The following LDHD variants were observed in gnomAD, a reference collection of about 807,000 sequenced individuals.
LDHD encodes D-lactate dehydrogenase, mitochondrial.
Under a neutral mutation model 52.9 loss-of-function variants are expected in LDHD, and 58 were observed. The observed-to-expected ratio is 1.10, with a 90% confidence interval of 0.89 to 1.36. LDHD has a LOEUF of 1.36. Ranked by LOEUF, LDHD falls within the 40% of genes most tolerant of loss-of-function variation. LDHD has a pLI of 0.00. For missense variants in LDHD, 747 were observed against 668.0 expected (o/e 1.12, Z -1.30); for synonymous variants, 350 against 288.6 (o/e 1.21, Z -2.16).
chr16:75,114,663 G>A lies in LDHD; in HGVS notation c.492C>T (p.Leu164=). 5.2e-6 allele frequency: 8 copies of A among 1,532,840 alleles called. No homozygotes were observed. Among genetic ancestry groups the A allele is most frequent in the Non-Finnish European group, 6.1e-6 (7 of 1,140,726 alleles). 95.0% of individuals were successfully genotyped at this position (1,532,840 alleles called of 1,614,324 possible). A position where few individuals can be genotyped will look rare whatever the true frequency, so the allele number is the denominator to read the frequency against. Residue 164 remains leucine, a synonymous_variant, in exon 5 of 11, where the codon CTC becomes CTT. Transcript: ENST00000450168. ...ACGCCCCGGTGGCCGCCATGCCACA[G>A]AGAGAGGCGTCCGCGCCTGGGTCTG... ...FPVDPGADAS[L]CGMAATGASG...
Position 75,114,817 on chromosome 16 carries a change from C to A in LDHD, c.469+10G>T. The stretch of plus-strand genomic sequence containing the variant: ...CCCTCAGGGTCCCAGGAAAGGTTCG[C>A]GAGTCCTACCCACGGGAAACCAGAG... On this transcript the variant is annotated intron_variant, in intron 4 of 10. Coordinates refer to ENST00000450168, the MANE Select transcript of LDHD (RefSeq NM_194436.3). 6.2e-7 allele frequency: 1 copy of A among 1,609,648 alleles called. No homozygotes were observed. The highest frequency in any genetic ancestry group is 8.5e-7 in the Non-Finnish European group (1 of 1,177,890).
intron 1 of LDHD, 115 bp downstream of exon 1, chr16:75,116,534 A>T (rs140293007): frequency 2.6e-5 from 22 of 850,888 alleles, no homozygotes; most frequent in Non-Finnish European, 3.8e-5. Context: ...CTTTTGCCCA[A>T]GGTCAGGTCA....
In LDHD at chr16:75,112,450, T is replaced by G; in HGVS notation, c.1361A>C (p.Gln454Pro). The G allele has an allele frequency of 6.2e-7, 1 of 1,613,420 alleles. No homozygotes were observed. The highest frequency in any genetic ancestry group is 8.5e-7 in the Non-Finnish European group (1 of 1,180,024). ...GIGMGKRQLL[Q>P]EEVGAVGVET... ...CACGCCCACGGCGCCCACCTCCTCCTGCAGCAGCTGCCGCTTGCCCATTCC... is the reference window on the plus strand; with the variant it reads ...CACGCCCACGGCGCCCACCTCCTCCGGCAGCAGCTGCCGCTTGCCCATTCC... Residue 454 changes from glutamine to proline, a missense_variant, in exon 11 of 11, where the codon CAG becomes CCG. Transcript: ENST00000450168.
chr16:75,114,675 C>T lies in LDHD; in HGVS notation c.480G>A (p.Ala160=), dbSNP rs1336255546. 1 of 1,532,918 alleles carries T rather than the reference C, an allele frequency of 6.5e-7. No homozygotes were observed. The highest frequency in any genetic ancestry group is 2.4e-5 in the East Asian group (1 of 40,996). The allele number at this position is 1,532,918 out of a possible 1,614,324, so 95.0% of individuals were successfully genotyped here. The change falls in exon 5 of 11, where the codon GCG becomes GCA. Residue 160 remains alanine (A), a synonymous_variant. Coordinates refer to ENST00000450168, the MANE Select transcript of LDHD (RefSeq NM_194436.3). The part of the protein sequence containing the change: ...SGLWFPVDPG[A]DASLCGMAAT... ...CCGCCATGCCACAGAGAGAGGCGTC[C>T]GCGCCTGGGTCTGGAGGGCGGCGTA...
At position 75,112,046 on chromosome 16, in the gene LDHD, T is replaced by C. The variant is rs1597918224; in HGVS notation, c.*310A>G. 1 of 328,128 alleles carries C rather than the reference T, an allele frequency of 3.0e-6. No individual in the cohort carries two copies. Among genetic ancestry groups the C allele is most frequent in the East Asian group, 5.3e-5 (1 of 18,794 alleles). 20.3% of individuals were successfully genotyped at this position (328,128 alleles called of 1,614,324 possible). ...CTCGGGGAGGGGTGTCATCAGAGTC[T>C]TGAATGGACCCAGACGCTCTCTTCC... On this transcript the variant is annotated 3_prime_UTR_variant, in exon 11 of 11. Coordinates refer to ENST00000450168, the MANE Select transcript of LDHD (RefSeq NM_194436.3).
Position 75,113,986 on chromosome 16 carries a change from G to A in LDHD, c.809C>T (p.Ala270Val), listed in dbSNP as rs1339659948. ...CTCACCAATGCGGGCTACGGGCACT[G>A]CAGCCTGGAGGATGTGTACAGTGCT... is the stretch of plus-strand genomic sequence containing the variant. ...VDSTVHILQA[A>V]VPVARIEFLD... The change falls in exon 6 of 11, where the codon GCA becomes GTA. Residue 270 changes from alanine (A) to valine (V), a missense_variant. Ala to Val is a moderately conservative substitution (Grantham distance 64). Coordinates refer to ENST00000450168, the MANE Select transcript of LDHD (RefSeq NM_194436.3). 1.3e-6 allele frequency: 2 copies of A among 1,599,132 alleles called. No homozygotes were observed.
Position 75,114,173 on chromosome 16 carries a change from C to A in LDHD, c.630-8G>T, listed in dbSNP as rs368661532. ...TAGCCGGCTGCACTCTTCCTACGTC[C>A]CAGGGACACACAAGGTGAGTACCAG... On this transcript the variant is annotated splice_polypyrimidine_tract_variant and splice_region_variant and intron_variant, in intron 5 of 10. Transcript: ENST00000450168. 2 of 1,611,832 alleles carry A rather than the reference C, an allele frequency of 1.2e-6. No homozygotes were observed. The highest frequency in any genetic ancestry group is 2.7e-5 in the African/African-American group (2 of 75,038).
At position 75,113,979 on chromosome 16, in the gene LDHD, G is replaced by C; in HGVS notation, c.816C>G (p.Pro272=). The C allele has an allele frequency of 6.3e-7, 1 of 1,598,912 alleles. No homozygotes were observed. Among genetic ancestry groups the C allele is most frequent in the Non-Finnish European group, 8.5e-7 (1 of 1,172,132 alleles). ...STVHILQAAV[P]VARIEFLDEV... ...TCCTCAGCTCACCAATGCGGGCTACGGGCACTGCAGCCTGGAGGATGTGTA... is the reference window on the plus strand; with the variant it reads ...TCCTCAGCTCACCAATGCGGGCTACCGGCACTGCAGCCTGGAGGATGTGTA... The change falls in exon 6 of 11, where the codon CCC becomes CCG. Residue 272 remains proline, a synonymous_variant. Coordinates refer to ENST00000450168, the MANE Select transcript of LDHD (RefSeq NM_194436.3).
At position 75,114,160 on chromosome 16, in the gene LDHD, C is replaced by G; in HGVS notation, c.635G>C (p.Ser212Thr). The change falls in exon 6 of 11, where the codon AGT becomes ACT. Residue 212 changes from serine (S) to threonine (T), a missense_variant. Transcript: ENST00000450168. ...TAGRGRHFRK[S>T]AAGYNLTGLF... ...CCCCGTGAGGTTGTAGCCGGCTGCA[C>G]TCTTCCTACGTCCCAGGGACACACA... 1 of 1,612,556 alleles carries G rather than the reference C, an allele frequency of 6.2e-7. No homozygotes were observed. Among genetic ancestry groups the G allele is most frequent in the Non-Finnish European group, 8.5e-7 (1 of 1,180,000 alleles).
In LDHD at chr16:75,112,488, C is replaced by T. The variant is rs1452773515; in HGVS notation, c.1323G>A (p.Gly441=). The T allele has an allele frequency of 6.2e-7, 1 of 1,613,422 alleles. No individual in the cohort carries two copies. Among genetic ancestry groups the T allele is most frequent in the Non-Finnish European group, 8.5e-7 (1 of 1,179,982 alleles). ...RALALHGTCT[G]EHGIGMGKRQ... is the part of the protein sequence containing the mutation. ...GCTTGCCCATTCCGATGCCATGCTC[C>T]CCCGTGCACGTTCCGTGGAGAGCCA... The change falls in exon 11 of 11, where the codon GGG becomes GGA. Residue 441 remains glycine (G), a synonymous_variant. Coordinates refer to ENST00000450168, the MANE Select transcript of LDHD (RefSeq NM_194436.3).
Position 75,114,002 on chromosome 16 carries a change from G to C in LDHD, c.793C>G (p.His265Asp). Reference sequence around the variant, plus strand: ...ACGGGCACTGCAGCCTGGAGGATGTGTACAGTGCTGTCCACAGCAGCCTGG... The same window carrying C: ...ACGGGCACTGCAGCCTGGAGGATGTCTACAGTGCTGTCCACAGCAGCCTGG... ...SVQAAVDSTV[H>D]ILQAAVPVAR... The change falls in exon 6 of 11, where the codon CAC becomes GAC. Residue 265 changes from histidine to aspartate, a missense_variant. Coordinates refer to ENST00000450168, the MANE Select transcript of LDHD (RefSeq NM_194436.3). 1 of 1,605,528 alleles carries C rather than the reference G, an allele frequency of 6.2e-7. No homozygotes were observed. Among genetic ancestry groups the C allele is most frequent in the Non-Finnish European group, 8.5e-7 (1 of 1,177,066 alleles).
chr16:75,114,356 C>T, intron 5 of LDHD, 170 bp downstream of exon 5: 2 of 1,417,908 alleles, frequency 1.4e-6, no homozygotes, highest in South Asian at 1.4e-5. Flanking sequence ...GGAGAGCAAA[C>T]CCTGGTCCCA....
At chr16:75,113,387 C>T in intron 8 of LDHD, 148 bp downstream of exon 8, 1 of 946,714 alleles carries the variant, frequency 1.1e-6, no homozygotes, top group South Asian at 1.7e-5. Context: ...GTGGGGCGGT[C>T]TGCAGCCCTT....
chr16:75,113,581 C>A lies in LDHD; in HGVS notation c.1040G>T (p.Arg347Leu). ...CAGGGCTGCGTACCAGGCATTGTGC[C>A]GTGCTGTCCAAAGCCGGCTGCGCTC... ...AEERSRLWTA[R>L]HNAWYAALAT... Residue 347 changes from arginine to leucine, a missense_variant, in exon 8 of 11, where the codon CGG becomes CTG. Physicochemically the swap from Arg to Leu is moderately radical, Grantham distance 102. Coordinates refer to ENST00000450168, the MANE Select transcript of LDHD (RefSeq NM_194436.3). 6.2e-7 allele frequency: 1 copy of A among 1,613,144 alleles called. No individual in the cohort carries two copies. The highest frequency in any genetic ancestry group is 8.5e-7 in the Non-Finnish European group (1 of 1,179,956).
chr16:75,115,846 T>C (rs1184861249), intron 1 of LDHD, among the ~76,000 whole-genome samples, 186 bp from the exon 2 acceptor site: 1 of 152,136 alleles, frequency 6.6e-6, no homozygotes, highest in Non-Finnish European at 1.5e-5. Context: ...AATGCCTCTT[T>C]TCCAAACAGA....
chr16:75,115,050 C>T (rs1407069390), intron 3 of LDHD, 82 bp from the exon 4 acceptor site: 56 of 1,540,272 alleles, frequency 3.6e-5, no homozygotes, highest in Non-Finnish European at 2.0e-5. Flanking sequence ...CGCGGGTGTC[C>T]CCCCAGCAGC....
chr16:75,115,708 G>A, intron 1 of LDHD, 48 bp from the exon 2 acceptor site: 2 of 1,213,980 alleles, frequency 1.6e-6, no homozygotes, highest in African/African-American at 3.0e-5. Context: ...GACACATGGG[G>A]CCACAGCCCT....
In LDHD at chr16:75,112,530, A is replaced by G. The variant is rs1364686460; in HGVS notation, c.1290-9T>C. On this transcript the variant is annotated splice_polypyrimidine_tract_variant and intron_variant, in intron 10 of 10. Coordinates refer to ENST00000450168, the MANE Select transcript of LDHD (RefSeq NM_194436.3). ...GGAGAGCCAGTGCCCGCCTGGGGGC[A>G]GGAAGGAGACATCCTCAGGGGGCTC... The G allele has an allele frequency of 4.3e-6, 7 of 1,613,080 alleles. No homozygotes were observed. The Admixed American group carries it at 5.0e-5, about 12-fold the overall frequency.
chr16:75,112,552 G>A, intron 10 of LDHD, 31 bp from the exon 11 acceptor site: 5 of 1,613,060 alleles, frequency 3.1e-6, no homozygotes, highest in Non-Finnish European at 1.7e-6. Flanking sequence ...TCCTCAGGGG[G>A]CTCCCTTTCC....
Sources: allele counts gnomAD v4.1 joint callset (sites outside exome capture counted in the v4.1 genomes callset), GRCh38; gene constraint gnomAD v4.1.1; transcripts MANE v1.5; gene names NCBI Gene and HGNC (gene_info 2026-07-23, HGNC 2026-07-21).